The following ZNF160 variants were observed in gnomAD, a reference collection of about 807,000 sequenced individuals.
ZNF160 encodes the protein zinc finger protein 160, also known as KRAB zinc finger protein KR18.
Under a neutral mutation model 13.1 loss-of-function variants are expected in ZNF160, and 9 were observed. The observed-to-expected ratio is 0.69, with a 90% CI of 0.41 to 1.20. The LOEUF (loss-of-function observed/expected upper bound fraction) is 1.20. Ranked by LOEUF, ZNF160 falls within the 50% of genes most tolerant of loss-of-function variation. The pLI is 0.01. For synonymous variants in ZNF160, 293 were observed against 333.2 expected, an observed-to-expected ratio of 0.88 and a Z score of 1.31; for missense variants, 838 against 988.0, an observed-to-expected ratio of 0.85 and a Z score of 2.04.
intron 5 of ZNF160, chr19:53,073,157 C>T (rs2084243848): frequency 7.2e-7 from 1 of 1,394,496 alleles, no homozygotes. Context: ...TGGTAACCCA[C>T]ATTCTACTCT....
intron 4 of ZNF160, 92 bp downstream of exon 4, chr19:53,074,965 C>T (rs1016672095): frequency 3.8e-5 from 60 of 1,561,286 alleles, no homozygotes; most frequent in Non-Finnish European, 8.8e-7. Context: ...CAATCTCAGT[C>T]AAGCAATGCA....
intron 1 of ZNF160, among the ~76,000 whole-genome samples, chr19:53,094,413 A>G (rs1174438828): frequency 6.6e-6 from 1 of 152,110 alleles, no homozygotes; most frequent in African/African-American, 2.4e-5. Flanking sequence ...AAACAGACAA[A>G]TCAGGTCCCG....
chr19:53,072,945 TG>T (rs1482373601), intron 5 of ZNF160: 2 of 772,566 alleles, frequency 2.6e-6, no homozygotes, highest in African/African-American at 3.8e-5. Context: ...AACTGGAATA[TG>T]ATTTTTAAAA....
chr19:53,077,774 T>C (rs181762274), intron 3 of ZNF160, among the ~76,000 whole-genome samples: 98 of 150,756 alleles, frequency 6.5e-4, no homozygotes, highest in Middle Eastern at 3.5e-3. Context: ...TATATATATA[T>C]ACATTATCAA....
At chr19:53,086,740 A>G (rs1230928984) in intron 2 of ZNF160, among the ~76,000 whole-genome samples, 1 of 152,108 alleles carries the variant, frequency 6.6e-6, no homozygotes, top group Non-Finnish European at 1.5e-5. Flanking sequence ...TACAGAATAG[A>G]GTCAACTTTA....
At chr19:53,086,203 C>T in intron 3 of ZNF160, 59 bp downstream of exon 3, 2 of 1,536,438 alleles carry the variant, frequency 1.3e-6, no homozygotes, top group East Asian at 4.5e-5. Context: ...ATTCGCAATG[C>T]CAATGCCAGG....
chr19:53,092,603 C>T (rs568850256), intron 1 of ZNF160, among the ~76,000 whole-genome samples: 2 of 152,286 alleles, frequency 1.3e-5, no homozygotes, highest in South Asian at 4.1e-4. Context: ...CGTGAGCTAC[C>T]ATGCTGGCTG....
chr19:53,073,497 C>G, intron 5 of ZNF160: 1 of 1,597,802 alleles, frequency 6.3e-7, no homozygotes, highest in African/African-American at 1.3e-5. Flanking sequence ...ATGTTTCCAT[C>G]TCCTGAGCAG....
chr19:53,069,816 G>A lies in ZNF160; in HGVS notation c.718C>T (p.His240Tyr), dbSNP rs2084097740. 6.2e-7 allele frequency: 1 copy of A among 1,614,126 alleles called. No homozygotes were observed. ...CGTCTTTGTGTGAGTAATGAAAAATGGTTAAGTTCATGATATTTTTTAGAC... is the reference window on the plus strand; with the variant it reads ...CGTCTTTGTGTGAGTAATGAAAAATAGTTAAGTTCATGATATTTTTTAGAC... Reference protein sequence around the residue: ...HRSKKYHELNHFSLLTQRRKA... With the variant: ...HRSKKYHELNYFSLLTQRRKA... Residue 240 changes from histidine to tyrosine, a missense_variant, in exon 6 of 6, where the codon CAT becomes TAT. Physicochemically the swap from His to Tyr is moderately conservative, Grantham distance 83. This residue lies in a region of ZNF160 where 387 missense variants were observed against 402.3 expected (regional missense o/e 0.96). Coordinates refer to ENST00000683776, the MANE Select transcript of ZNF160 (RefSeq NM_001322131.2). The surrounding 1 kb of genome is among the most constrained non-coding windows in gnomAD (Gnocchi z 4.4).
intron 2 of ZNF160, among the ~76,000 whole-genome samples, chr19:53,087,145 G>C (rs2084867150): frequency 6.6e-6 from 1 of 152,164 alleles, no homozygotes; most frequent in South Asian, 2.1e-4. Context: ...CTAGGCAGAG[G>C]GCCAGCCCAC....
chr19:53,102,057 T>C (rs1014905516), intron 1 of ZNF160, among the ~76,000 whole-genome samples: 3 of 152,096 alleles, frequency 2.0e-5, no homozygotes, highest in Admixed American at 2.0e-4. Flanking sequence ...TCCCCTTTTA[T>C]CTTCCCCCTA....
Position 53,067,974 on chromosome 19 carries a change from C to T in ZNF160, c.*103G>A, listed in dbSNP as rs1056753480. 46 of 1,461,064 alleles carry T rather than the reference C, an allele frequency of 3.1e-5. No homozygotes were observed. In the South Asian group the frequency reaches 5.8e-4, roughly 18 times the overall value. 90.5% of individuals were successfully genotyped at this position (1,461,064 alleles called of 1,614,324 possible). A position where few individuals can be genotyped will look rare whatever the true frequency, so the allele number is the denominator to read the frequency against. ...CCTCTCATATCTATTAATGCTTCAACTCATGAGGGATTGGCCACTGTCACT... is the reference window on the plus strand; with the variant it reads ...CCTCTCATATCTATTAATGCTTCAATTCATGAGGGATTGGCCACTGTCACT... On this transcript the variant is annotated 3_prime_UTR_variant, in exon 6 of 6. Coordinates refer to ENST00000683776, the MANE Select transcript of ZNF160 (RefSeq NM_001322131.2).
chr19:53,102,494 T>C (rs1418998827), intron 1 of ZNF160, among the ~76,000 whole-genome samples: 1 of 152,220 alleles, frequency 6.6e-6, no homozygotes, highest in Middle Eastern at 3.2e-3. Flanking sequence ...CTTATCTTGT[T>C]GTCCTGCATC....
At chr19:53,075,616 C>T in intron 3 of ZNF160, 1 of 385,828 alleles carries the variant, frequency 2.6e-6, no homozygotes, top group Non-Finnish European at 5.1e-6. Context: ...CATGAAAACT[C>T]AAAAAAGACA....
intron 5 of ZNF160, 130 bp downstream of exon 5, chr19:53,074,010 G>A (rs142058904): frequency 8.4e-6 from 7 of 837,832 alleles, no homozygotes; most frequent in African/African-American, 6.9e-5. Flanking sequence ...GGCTGGTCTC[G>A]AACTCCTGAC....
chr19:53,068,984 G>A lies in ZNF160; in HGVS notation c.1550C>T (p.Ala517Val). ...AGTCAGACTTGAACGAACACTGAAG[G>A]CTTTCCCACACTCATTACACTTGTA... ...KPYKCNECGK[A>V]FSVRSSLTTH... Residue 517 changes from alanine (A) to valine (V), a missense_variant, in exon 6 of 6, where the codon GCC becomes GTC. By Grantham distance (64) the Ala-to-Val change is moderately conservative. Around this residue, in one of 3 missense-constraint regions of ZNF160, gnomAD observed 400 missense variants for 538.9 expected, o/e 0.74. Transcript: ENST00000683776. The A allele has an allele frequency of 6.2e-7, 1 of 1,613,884 alleles. No homozygotes were observed. The highest frequency in any genetic ancestry group is 1.7e-5 in the Admixed American group (1 of 60,008).
At chr19:53,086,412 G>A (rs964579922) in intron 2 of ZNF160, 91 bp from the exon 3 acceptor site, 1 of 1,163,960 alleles carries the variant, frequency 8.6e-7, no homozygotes, top group East Asian at 2.5e-5. Context: ...CCCTTCATGT[G>A]CCACAGTCAC....
intron 3 of ZNF160, among the ~76,000 whole-genome samples, chr19:53,083,220 G>A (rs973938578): frequency 3.9e-5 from 6 of 152,174 alleles, no homozygotes; most frequent in Middle Eastern, 6.8e-3. Context: ...CTTAACCTTC[G>A]TCGCCTCTCC....
chr19:53,093,604 T>C (rs1490668502), intron 1 of ZNF160: 1 of 152,160 alleles, frequency 6.6e-6, no homozygotes, highest in East Asian at 1.9e-4. Flanking sequence ...GACTCGGCAC[T>C]GAATCCAGCC....
Sources: gnomAD v4.1 joint callset for allele counts (sites outside exome capture counted in the v4.1 genomes callset) on GRCh38, gnomAD v4.1.1 for gene constraint, gnomAD v4.1.1 regional missense constraint, Gnocchi (gnomAD v3.1) non-coding constraint, MANE v1.5 for transcripts, NCBI Gene and HGNC (gene_info 2026-07-23, HGNC 2026-07-21) for gene names.